Variants in ADAMTS19 observed in about 807,000 individuals in gnomAD.
ADAMTS19 encodes the protein A disintegrin and metalloproteinase with thrombospondin motifs 19.
In ADAMTS19, 93 loss-of-function variants were observed where a neutral mutation model predicts 153.3. That is an observed-to-expected ratio of 0.61 (90% confidence interval 0.51 to 0.72). The LOEUF (loss-of-function observed/expected upper bound fraction) is 0.72. ADAMTS19 is among the 30% of genes least tolerant of loss of function. The pLI is 0.00. For synonymous variants in ADAMTS19, 600 were observed against 556.6 expected (o/e 1.08, Z -1.10); for missense variants, 1,482 against 1,552.1 (o/e 0.95, Z 0.76).
At chr5:129,471,657 T>G (rs1750073632) in intron 2 of ADAMTS19, among the ~76,000 whole-genome samples, 1 of 152,132 alleles carries the variant, frequency 6.6e-6, no homozygotes, top group Non-Finnish European at 1.5e-5. Context: ...CACCCAGATA[T>G]TAAACCTAGT....
intron 2 of ADAMTS19, among the ~76,000 whole-genome samples, chr5:129,475,852 T>G (rs1434783843): frequency 7.2e-5 from 11 of 152,194 alleles, no homozygotes; most frequent in Admixed American, 7.2e-4. Flanking sequence ...TAAATTGTTT[T>G]GGCCATTCTG....
chr5:129,563,691 T>C (rs535425705), intron 7 of ADAMTS19, among the ~76,000 whole-genome samples: 1 of 152,256 alleles, frequency 6.6e-6, no homozygotes, highest in South Asian at 2.1e-4. Context: ...GTCTTCACAT[T>C]TGTGAGAGAT....
At chr5:129,599,170 A>G (rs1332011782) in intron 8 of ADAMTS19, among the ~76,000 whole-genome samples, 1 of 152,020 alleles carries the variant, frequency 6.6e-6, no homozygotes, top group Non-Finnish European at 1.5e-5. Context: ...TTAATATTTC[A>G]TTCTAGGAAT....
At chr5:129,553,535 T>C (rs1753206624) in intron 7 of ADAMTS19, among the ~76,000 whole-genome samples, 1 of 152,172 alleles carries the variant, frequency 6.6e-6, no homozygotes, top group Non-Finnish European at 1.5e-5. Flanking sequence ...GTCCTGTTCA[T>C]TAAGATCTTC....
chr5:129,543,051 T>TG (rs1316338104), intron 6 of ADAMTS19, among the ~76,000 whole-genome samples: 1 of 150,818 alleles, frequency 6.6e-6, no homozygotes, highest in African/African-American at 2.4e-5. Flanking sequence ...TTGTTTTGTT[T>TG]TTTTTTTTTT....
chr5:129,608,116 GTATATA>G (rs1554098182), intron 8 of ADAMTS19, among the ~76,000 whole-genome samples: 19 of 47,956 alleles, frequency 4.0e-4, no homozygotes, highest in South Asian at 9.7e-4. Flanking sequence ...GTGTGTGTGT[GTATATA>G]TATATATATA....
chr5:129,675,219 A>T (rs188970852), intron 16 of ADAMTS19, among the ~76,000 whole-genome samples: 1 of 152,164 alleles, frequency 6.6e-6, no homozygotes, highest in Admixed American at 6.5e-5. Flanking sequence ...ATTATAATGT[A>T]CCTTGTATGG....
chr5:129,706,552 A>G lies in ADAMTS19; in HGVS notation c.3312+2161A>G, dbSNP rs557174508. On this transcript the variant is annotated intron_variant, in intron 21 of 22. Coordinates refer to ENST00000274487, the MANE Select transcript of ADAMTS19 (RefSeq NM_133638.6). ...CCATTGCGCTCCAGCCTGGGTAACA[A>G]GAGTGAAACTCAAAAAAAAAAAAAA... Among the ~76,000 whole-genome samples, 38 of 151,840 alleles carry G rather than the reference A, an allele frequency of 2.5e-4. 1 individual carries two copies. The highest frequency in any genetic ancestry group is 9.2e-4 in the African/African-American group (38 of 41,388).
At chr5:129,522,877 G>A (rs777896168) in intron 3 of ADAMTS19, among the ~76,000 whole-genome samples, 2 of 151,982 alleles carry the variant, frequency 1.3e-5, no homozygotes, top group African/African-American at 4.8e-5. Flanking sequence ...CCAACATGGC[G>A]AAACCCTGTC....
intron 8 of ADAMTS19, among the ~76,000 whole-genome samples, chr5:129,617,103 C>A (rs986610771): frequency 2.6e-5 from 4 of 151,990 alleles, no homozygotes; most frequent in Non-Finnish European, 4.4e-5. Flanking sequence ...GAGTAGCTGG[C>A]ACAGATTAAG....
intron 7 of ADAMTS19, among the ~76,000 whole-genome samples, chr5:129,570,320 C>T (rs1753851890): frequency 6.7e-6 from 1 of 149,922 alleles, no homozygotes; most frequent in Non-Finnish European, 1.5e-5. Flanking sequence ...ATCAGTTTGA[C>T]AGTTTAGATT....
chr5:129,608,186 G>A (rs1250903398), intron 8 of ADAMTS19, among the ~76,000 whole-genome samples: 4 of 139,946 alleles, frequency 2.9e-5, no homozygotes. Flanking sequence ...TCTACTATTT[G>A]CAACAGTGTG....
chr5:129,637,727 C>G (rs555775622), intron 10 of ADAMTS19, among the ~76,000 whole-genome samples: 17 of 152,094 alleles, frequency 1.1e-4, no homozygotes, highest in Non-Finnish European at 8.8e-5. Flanking sequence ...TGCCTATGAT[C>G]CCAGCTACTT....
chr5:129,528,738 A>C, intron 6 of ADAMTS19, 61 bp downstream of exon 6: 1 of 1,325,180 alleles, frequency 7.5e-7, no homozygotes, highest in Non-Finnish European at 1.0e-6. Flanking sequence ...TGTTGATCCC[A>C]TTAATCCCTT....
chr5:129,694,944 T>G, intron 19 of ADAMTS19, 89 bp downstream of exon 19: 1 of 1,299,314 alleles, frequency 7.7e-7, no homozygotes, highest in Non-Finnish European at 1.0e-6. Context: ...TGAAATCACA[T>G]TTTCTTAAAA....
intron 7 of ADAMTS19, among the ~76,000 whole-genome samples, chr5:129,588,663 CATA>C (rs1213028946): frequency 6.6e-6 from 1 of 151,634 alleles, no homozygotes; most frequent in African/African-American, 2.4e-5. Flanking sequence ...TCCTTTTATG[CATA>C]ATAATATTTT....
At chr5:129,598,345 T>A (rs1378372814) in intron 8 of ADAMTS19, among the ~76,000 whole-genome samples, 1 of 152,018 alleles carries the variant, frequency 6.6e-6, no homozygotes, top group Non-Finnish European at 1.5e-5. Context: ...ATTCCTGGAG[T>A]CTGTACGCAC....
At chr5:129,686,618 G>A (rs1000312688) in intron 18 of ADAMTS19, among the ~76,000 whole-genome samples, 1 of 152,076 alleles carries the variant, frequency 6.6e-6, no homozygotes, top group African/African-American at 2.4e-5. Context: ...GGGAGAGTAA[G>A]AGGCTGTGTC....
chr5:129,715,013 T>C (rs576631527), intron 21 of ADAMTS19, among the ~76,000 whole-genome samples: 2 of 152,244 alleles, frequency 1.3e-5, no homozygotes, highest in African/African-American at 4.8e-5. Flanking sequence ...AGAAAATTTC[T>C]CCAAGACCTA....
Sources: gnomAD v4.1 joint callset for allele counts (sites outside exome capture counted in the v4.1 genomes callset) on GRCh38, gnomAD v4.1.1 for gene constraint, MANE v1.5 for transcripts, NCBI Gene and HGNC (gene_info 2026-07-23, HGNC 2026-07-21) for gene names.